Variants in KIRREL3 observed in about 807,000 individuals in gnomAD.
KIRREL3 encodes kin of IRRE-like protein 3.
In KIRREL3, 36 loss-of-function variants were observed where a neutral mutation model predicts 89.7. The ratio of observed to expected loss-of-function variants is 0.40; its 90% CI spans 0.31 to 0.53. The LOEUF (loss-of-function observed/expected upper bound fraction) is 0.53, where lower values mean the gene tolerates loss of function less well. Among genes scored for constraint, KIRREL3 ranks in the 20% least tolerant of loss-of-function variants. The probability of loss-of-function intolerance (pLI) is 0.49; values close to 1 mark genes in which losing one functional copy is unlikely to be tolerated. For synonymous variants in KIRREL3, 445 were observed against 441.4 expected (o/e 1.01, Z -0.10); for missense variants, 864 against 1,056.6 (o/e 0.82, Z 2.53).
At chr11:126,956,607 G>T (rs867295629) in intron 1 of KIRREL3, among the ~76,000 whole-genome samples, 1 of 152,162 alleles carries the variant, frequency 6.6e-6, no homozygotes, top group Non-Finnish European at 1.5e-5. Context: ...TTTGTTAGGG[G>T]TGGTAGTCGG....
At chr11:126,925,547 G>A (rs1220701963) in intron 1 of KIRREL3, among the ~76,000 whole-genome samples, 2 of 152,210 alleles carry the variant, frequency 1.3e-5, no homozygotes, top group Admixed American at 6.5e-5. Flanking sequence ...GCAGATGTCA[G>A]GGACTGGGAG....
chr11:126,798,317 G>T (rs562286375), intron 1 of KIRREL3, among the ~76,000 whole-genome samples: 291 of 152,240 alleles, frequency 1.9e-3, no homozygotes, highest in Non-Finnish European at 3.0e-3. Context: ...CTTATTGCTT[G>T]CTGGGGTTCC....
intron 1 of KIRREL3, among the ~76,000 whole-genome samples, chr11:126,863,301 C>T (rs1254378021): frequency 6.6e-6 from 1 of 150,544 alleles, no homozygotes; most frequent in Non-Finnish European, 1.5e-5. Context: ...CAGCACAGGC[C>T]AAGCTGGGGT....
intron 1 of KIRREL3, among the ~76,000 whole-genome samples, chr11:126,849,928 A>G (rs1944285941): frequency 2.8e-5 from 1 of 35,856 alleles, no homozygotes; most frequent in Non-Finnish European, 4.9e-5. Flanking sequence ...TAATAAATCA[A>G]AGCTGACAAC....
chr11:126,856,722 T>C (rs1004196476), intron 1 of KIRREL3, among the ~76,000 whole-genome samples: 2 of 151,816 alleles, frequency 1.3e-5, no homozygotes, highest in Non-Finnish European at 2.9e-5. Context: ...TTCAGGCCAT[T>C]CTCCTGCCTC....
rs1329745283 is a variant in KIRREL3, at chr11:126,946,006, TG to T, written c.55+54448del. Reference sequence around the variant, plus strand: ...GTCAGAGTTCCCTGGATGGAAGTCCTGTGGTGACTGCTGCTCCATCTGAGCC... The same window carrying T: ...GTCAGAGTTCCCTGGATGGAAGTCCTTGGTGACTGCTGCTCCATCTGAGCC... On this transcript the variant is annotated intron_variant, in intron 1 of 16. Transcript: ENST00000525144. The surrounding 1 kb of genome is among the most constrained non-coding windows in gnomAD (Gnocchi z 4.1). 6.6e-6 allele frequency among the ~76,000 whole-genome samples: 1 copy of T among 152,176 alleles called. No individual in the cohort carries two copies. Among genetic ancestry groups the T allele is most frequent in the African/African-American group, 2.4e-5 (1 of 41,446 alleles).
rs566947733 is a variant in KIRREL3 at position 126,475,076 on chromosome 11, G to A, written c.434-1610C>T. Among the ~76,000 whole-genome samples, 32 of 152,336 alleles carry A rather than the reference G, an allele frequency of 2.1e-4. No homozygotes were observed. The highest frequency in any genetic ancestry group is 1.8e-3 in the Admixed American group (28 of 15,310). ...CTCTGGACACATCAAGACGTGAGCT[G>A]TCTGTGTACACAGCAAACACAGAAG... On this transcript the variant is annotated intron_variant, in intron 4 of 16. Transcript: ENST00000525144. The surrounding 1 kb of genome is among the most constrained non-coding windows in gnomAD (Gnocchi z 7.5).
chr11:126,446,109 C>G (rs12806545), intron 9 of KIRREL3, among the ~76,000 whole-genome samples: 2 of 145,802 alleles, frequency 1.4e-5, no homozygotes, highest in South Asian at 4.4e-4. Flanking sequence ...GATCACGCCG[C>G]TGCACTCCAG....
Position 126,562,808 on chromosome 11 carries a change from C to CGA in KIRREL3, c.133+25_133+26dup. ...GAGCTTCCTCCCTCCAGATTACTCC[C>CGA]GAGACAATGGGGAGGTTCTCACTGA... On this transcript the variant is annotated intron_variant, in intron 2 of 16. Coordinates refer to ENST00000525144, the MANE Select transcript of KIRREL3 (RefSeq NM_032531.4). The surrounding 1 kb of genome is among the most constrained non-coding windows in gnomAD (Gnocchi z 4.7). The CGA allele has an allele frequency of 6.2e-7, 1 of 1,600,648 alleles. No individual in the cohort carries two copies. Among genetic ancestry groups the CGA allele is most frequent in the South Asian group, 1.1e-5 (1 of 90,716 alleles).
At position 126,943,074 on chromosome 11, in the gene KIRREL3, G is replaced by A. The variant is rs1363468920; in HGVS notation, c.55+57381C>T. On this transcript the variant is annotated intron_variant, in intron 1 of 16. Transcript: ENST00000525144. This position sits in a 1 kb window ranked among gnomAD's most constrained non-coding sequence, Gnocchi z 4.2. ...CCACCCACTGCAGACAAAGTCTCTT[G>A]GGACAAGCCTCTGCTTCAGTGCTCT... 6.6e-6 allele frequency among the ~76,000 whole-genome samples: 1 copy of A among 152,184 alleles called. No individual in the cohort carries two copies.
intron 7 of KIRREL3, among the ~76,000 whole-genome samples, chr11:126,453,632 G>C (rs1429085506): frequency 2.0e-5 from 3 of 152,148 alleles, no homozygotes; most frequent in Admixed American, 2.0e-4. Context: ...TGAAGGGGCT[G>C]AGCGAGTGTG....
Position 126,429,055 on chromosome 11 carries a change from G to T in KIRREL3, c.1806+124C>A. The T allele has an allele frequency of 3.1e-6, 2 of 644,200 alleles. No individual in the cohort carries two copies. Among genetic ancestry groups the T allele is most frequent in the Non-Finnish European group, 5.6e-6 (2 of 354,334 alleles). The allele number at this position is 644,200 out of a possible 1,614,324, so 39.9% of individuals were successfully genotyped here. On this transcript the variant is annotated intron_variant, in intron 15 of 16. Transcript: ENST00000525144. The surrounding 1 kb of genome is among the most constrained non-coding windows in gnomAD (Gnocchi z 5.2). ...TGTGTGCCTCACCTATTGTGGGGTG[G>T]GCAGGGGGCATCTTGAACGCTGCTC...
At chr11:126,660,378 C>G (rs1945340778) in intron 1 of KIRREL3, among the ~76,000 whole-genome samples, 1 of 152,212 alleles carries the variant, frequency 6.6e-6, no homozygotes, top group African/African-American at 2.4e-5. Flanking sequence ...CATGATACTG[C>G]TGAGACGTAG....
At chr11:126,680,981 G>A (rs1417832145) in intron 1 of KIRREL3, among the ~76,000 whole-genome samples, 1 of 152,186 alleles carries the variant, frequency 6.6e-6, no homozygotes, top group East Asian at 1.9e-4. Context: ...GATTTGCAAG[G>A]CTGAGAAATA....
chr11:126,800,421 A>T (rs1309608075), intron 1 of KIRREL3, among the ~76,000 whole-genome samples: 1 of 152,142 alleles, frequency 6.6e-6, no homozygotes, highest in Non-Finnish European at 1.5e-5. Flanking sequence ...TGAAGACTGG[A>T]GGCTACAGAA....
At chr11:126,933,646 A>G (rs546684431) in intron 1 of KIRREL3, among the ~76,000 whole-genome samples, 2 of 152,102 alleles carry the variant, frequency 1.3e-5, no homozygotes, top group African/African-American at 4.8e-5. Flanking sequence ...GTTTCTACAC[A>G]CAAGAAATCA....
rs1948615469 is a variant in KIRREL3, at chr11:126,946,185, A to G, written c.55+54270T>C. Reference sequence around the variant, plus strand: ...AACAAGAACCCTAAGCTTAGATGCCAGAATTCAAGTTTCAGTTTTTCCCCT... The same window carrying G: ...AACAAGAACCCTAAGCTTAGATGCCGGAATTCAAGTTTCAGTTTTTCCCCT... On this transcript the variant is annotated intron_variant, in intron 1 of 16. Transcript: ENST00000525144. This position sits in a 1 kb window ranked among gnomAD's most constrained non-coding sequence, Gnocchi z 4.1. Among the ~76,000 whole-genome samples the G allele has an allele frequency of 6.6e-6, 1 of 151,696 alleles. No individual in the cohort carries two copies. Among genetic ancestry groups the G allele is most frequent in the Admixed American group, 6.6e-5 (1 of 15,100 alleles).
chr11:126,568,194 C>T lies in KIRREL3; in HGVS notation c.56-5282G>A, dbSNP rs1308430486. On this transcript the variant is annotated intron_variant, in intron 1 of 16. Transcript: ENST00000525144. This position sits in a 1 kb window ranked among gnomAD's most constrained non-coding sequence, Gnocchi z 4.6. ...AGCCTCACCCAGGAGTCTGGGCTCT[C>T]TCTTAAAGGAGGTGGGAGCCACGCA... Among the ~76,000 whole-genome samples the T allele has an allele frequency of 2.0e-5, 3 of 152,078 alleles. No individual in the cohort carries two copies. The highest frequency in any genetic ancestry group is 2.9e-5 in the Non-Finnish European group (2 of 68,006).
chr11:126,461,543 T>TA (rs1956541585), intron 6 of KIRREL3, among the ~76,000 whole-genome samples: 1 of 152,154 alleles, frequency 6.6e-6, no homozygotes, highest in Non-Finnish European at 1.5e-5. Flanking sequence ...TGTTTGTTAA[T>TA]AGCTGGTGGC....
Sources: allele counts gnomAD v4.1 joint callset (sites outside exome capture counted in the v4.1 genomes callset), GRCh38; gene constraint gnomAD v4.1.1; non-coding constraint Gnocchi (gnomAD v3.1); transcripts MANE v1.5; gene names NCBI Gene and HGNC (gene_info 2026-07-23, HGNC 2026-07-21).